The following MYO5A variants were observed in gnomAD, a reference collection of about 807,000 sequenced individuals.
The protein encoded by MYO5A is myosin VA.
MYO5A carries 98 observed loss-of-function variants against 249.7 expected under a neutral mutation model. The observed-to-expected ratio is 0.39, with a 90% CI of 0.33 to 0.46. The LOEUF is 0.46. MYO5A is among the 20% of genes least tolerant of loss of function. MYO5A has a pLI of 0.98. For synonymous variants in MYO5A, 778 were observed against 810.6 expected, an observed-to-expected ratio of 0.96 and a Z score of 0.68; for missense variants, 1,696 against 2,308.8, an observed-to-expected ratio of 0.73 and a Z score of 5.44.
chr15:52,517,168 G>C (rs1338094962), intron 1 of MYO5A, among the ~76,000 whole-genome samples: 2 of 152,180 alleles, frequency 1.3e-5, no homozygotes, highest in East Asian at 3.8e-4. Flanking sequence ...CACATAAAGA[G>C]TGCTATTTTT....
chr15:52,479,260 G>T (rs2076665654), intron 1 of MYO5A, among the ~76,000 whole-genome samples: 2 of 152,092 alleles, frequency 1.3e-5, no homozygotes, highest in Admixed American at 1.3e-4. Context: ...TTACAGGAGT[G>T]AGCCACTGCG....
At chr15:52,496,204 A>C (rs1256349199) in intron 1 of MYO5A, among the ~76,000 whole-genome samples, 3 of 152,218 alleles carry the variant, frequency 2.0e-5, no homozygotes, top group Non-Finnish European at 2.9e-5. Context: ...AAGTCCAAGA[A>C]CAGGAACAGT....
chr15:52,478,897 C>T (rs1170690779), intron 1 of MYO5A, among the ~76,000 whole-genome samples: 1 of 152,146 alleles, frequency 6.6e-6, no homozygotes, highest in African/African-American at 2.4e-5. Context: ...ATGTGTACTG[C>T]AGTTAATTTT....
At chr15:52,421,064 T>C (rs2043763650) in intron 4 of MYO5A, among the ~76,000 whole-genome samples, 1 of 152,206 alleles carries the variant, frequency 6.6e-6, no homozygotes, top group African/African-American at 2.4e-5. Flanking sequence ...TATTTATTAA[T>C]TTAAGTTAAC....
chr15:52,484,142 A>G (rs2076771432), intron 1 of MYO5A, among the ~76,000 whole-genome samples: 1 of 152,252 alleles, frequency 6.6e-6, no homozygotes. Flanking sequence ...TAAAGTGATT[A>G]GATCAATCAC....
At chr15:52,451,462 T>C (rs2076019068) in intron 1 of MYO5A, among the ~76,000 whole-genome samples, 1 of 152,198 alleles carries the variant, frequency 6.6e-6, no homozygotes, top group South Asian at 2.1e-4. Flanking sequence ...AATGGAAAAA[T>C]GATGTTTCAT....
rs1375241828 is a variant in MYO5A at position 52,328,014 on chromosome 15, A to G, written c.4556-8T>C. Reference sequence around the variant, plus strand: ...CACCACGTGGCTTCAGTTCTAAAAAAGAAAAAATAATAATTTTATATAACA... The same window carrying G: ...CACCACGTGGCTTCAGTTCTAAAAAGGAAAAAATAATAATTTTATATAACA... On this transcript the variant is annotated splice_region_variant and splice_polypyrimidine_tract_variant and intron_variant, in intron 35 of 41. Transcript: ENST00000399233. The G allele has an allele frequency of 6.2e-7, 1 of 1,607,870 alleles. No homozygotes were observed. Among genetic ancestry groups the G allele is most frequent in the Non-Finnish European group, 8.5e-7 (1 of 1,175,068 alleles).
intron 1 of MYO5A, among the ~76,000 whole-genome samples, chr15:52,481,069 T>C (rs2076705325): frequency 6.6e-6 from 1 of 152,112 alleles, no homozygotes; most frequent in Non-Finnish European, 1.5e-5. Flanking sequence ...GTATTATGAG[T>C]CTTCATAATC....
chr15:52,326,488 C>T (rs2414138), intron 36 of MYO5A, among the ~76,000 whole-genome samples: 14,401 of 152,078 alleles, frequency 0.095, 2,112 homozygotes, highest in African/African-American at 0.32. Context: ...ACAGAAAGTA[C>T]CTGCACAATA....
At chr15:52,440,683 A>T (rs541233483) in intron 1 of MYO5A, among the ~76,000 whole-genome samples, 1 of 152,340 alleles carries the variant, frequency 6.6e-6, no homozygotes, top group African/African-American at 2.4e-5. Context: ...GTCAAGGAAC[A>T]CTGAGGGTGT....
chr15:52,361,184 C>A (rs1333137306), intron 24 of MYO5A, among the ~76,000 whole-genome samples: 1 of 152,164 alleles, frequency 6.6e-6, no homozygotes, highest in Non-Finnish European at 1.5e-5. Context: ...CTAAAGGGGA[C>A]AATCATCACA....
intron 1 of MYO5A, among the ~76,000 whole-genome samples, chr15:52,480,506 C>A (rs548302127): frequency 6.6e-6 from 1 of 152,290 alleles, no homozygotes; most frequent in South Asian, 2.1e-4. Context: ...GAGCCCACAC[C>A]AGACCAAGGA....
chr15:52,391,808 C>A (rs1307759394), intron 12 of MYO5A, 122 bp downstream of exon 12: 1 of 1,039,338 alleles, frequency 9.6e-7, no homozygotes, highest in East Asian at 2.4e-5. Flanking sequence ...AAAGCATAAC[C>A]CCTACTTGTC....
intron 34 of MYO5A, among the ~76,000 whole-genome samples, chr15:52,331,462 T>A (rs1026407732): frequency 1.3e-5 from 2 of 152,226 alleles, no homozygotes; most frequent in Non-Finnish European, 2.9e-5. Context: ...AGGTTTTTTA[T>A]CCTTTTATCT....
chr15:52,472,271 G>A (rs961129094), intron 1 of MYO5A, among the ~76,000 whole-genome samples: 1 of 152,060 alleles, frequency 6.6e-6, no homozygotes, highest in Admixed American at 6.5e-5. Flanking sequence ...AGTAGAGACA[G>A]GGTTTCACCG....
intron 37 of MYO5A, 142 bp from the exon 38 acceptor site, chr15:52,321,651 CA>C: frequency 1.1e-6 from 1 of 904,054 alleles, no homozygotes; most frequent in Non-Finnish European, 1.8e-6. Flanking sequence ...CTGACATTCT[CA>C]AATGCTGATG....
At chr15:52,324,002 C>CAAAAAAAAAAAAAAAAAAAAAAAAAAAAA (rs56227811) in intron 36 of MYO5A, 4 of 40,250 alleles carry the variant, frequency 9.9e-5, no homozygotes, top group Admixed American at 1.1e-3. Flanking sequence ...GACTCTGTCT[C>CAAAAAAAAAAAAAAAAAAAAAAAAAAAAA]AAAAAAAAAA....
chr15:52,351,906 T>G (rs1225796193), intron 27 of MYO5A, among the ~76,000 whole-genome samples: 1 of 152,206 alleles, frequency 6.6e-6, no homozygotes, highest in Non-Finnish European at 1.5e-5. Flanking sequence ...CCCTGAAGTC[T>G]TTAGTAGTCT....
intron 1 of MYO5A, among the ~76,000 whole-genome samples, chr15:52,438,414 A>C (rs1291999377): frequency 1.3e-5 from 2 of 152,186 alleles, no homozygotes; most frequent in African/African-American, 4.8e-5. Flanking sequence ...GGTGAAAAAG[A>C]AGCAGTTAGA....
Sources: allele counts gnomAD v4.1 joint callset (sites outside exome capture counted in the v4.1 genomes callset), GRCh38; gene constraint gnomAD v4.1.1; transcripts MANE v1.5; gene names NCBI Gene and HGNC (gene_info 2026-07-23, HGNC 2026-07-21).